PBX1: variants seen among roughly 807,000 people sequenced by gnomAD.
PBX1 encodes PBX homeobox 1.
Under a neutral mutation model 53.4 loss-of-function variants are expected in PBX1, and 6 were observed. The ratio of observed to expected loss-of-function variants is 0.11; its 90% CI spans 0.06 to 0.22. PBX1 has a LOEUF of 0.22. PBX1 is among the 10% of genes least tolerant of loss of function. The pLI is 1.00. For synonymous variants in PBX1, 204 were observed against 212.3 expected (o/e 0.96, Z 0.34); for missense variants, 251 against 551.4 (o/e 0.46, Z 5.46).
chr1:164,883,036 A>G (rs1410733368), intron 2 of PBX1, among the ~76,000 whole-genome samples: 2 of 152,216 alleles, frequency 1.3e-5, no homozygotes, highest in Admixed American at 1.3e-4. Context: ...TGAATTAGGC[A>G]TATTACTGAA....
downstream of PBX1, among the ~76,000 whole-genome samples, chr1:164,853,380 TAAGG>T (rs1266935462): frequency 6.6e-6 from 1 of 152,114 alleles, no homozygotes; most frequent in East Asian, 1.9e-4. Flanking sequence ...AGTGATGGGA[TAAGG>T]AAGAGCAAAA....
intron 2 of PBX1, among the ~76,000 whole-genome samples, chr1:164,673,840 T>C (rs1396870423): frequency 2.0e-5 from 3 of 152,132 alleles, no homozygotes; most frequent in South Asian, 2.1e-4. Context: ...AGCGACAGAC[T>C]TGTGGTTTGC....
chr1:164,863,306 G>A (rs1672140637), intron 2 of PBX1, among the ~76,000 whole-genome samples: 1 of 152,198 alleles, frequency 6.6e-6, no homozygotes, highest in African/African-American at 2.4e-5. Context: ...CACAGGACGT[G>A]CTGAGGTGGG....
At chr1:164,633,759 T>G (rs1658564337) in intron 2 of PBX1, among the ~76,000 whole-genome samples, 2 of 152,222 alleles carry the variant, frequency 1.3e-5, no homozygotes, top group Non-Finnish European at 2.9e-5. Flanking sequence ...AACCTCTCTT[T>G]GCTTCAGTTT....
intron 2 of PBX1, chr1:164,769,272 G>A (rs1467108719): frequency 1.3e-5 from 2 of 152,124 alleles, no homozygotes; most frequent in Admixed American, 1.3e-4. Context: ...TCTGTACTTG[G>A]GGTACATTTT....
At chr1:164,570,270 A>G (rs1356277775) in intron 2 of PBX1, among the ~76,000 whole-genome samples, 1 of 152,182 alleles carries the variant, frequency 6.6e-6, no homozygotes, top group African/African-American at 2.4e-5. Flanking sequence ...CAGGTTTGTT[A>G]CATAGGTATA....
chr1:164,583,430 A>G (rs1033906940), intron 2 of PBX1, among the ~76,000 whole-genome samples: 10 of 152,272 alleles, frequency 6.6e-5, no homozygotes, highest in African/African-American at 2.4e-4. Context: ...TCTGAATCTC[A>G]GGTCACAGGG....
Position 164,807,608 on chromosome 1 carries a change from C to T in PBX1, c.768C>T (p.Leu256=), listed in dbSNP as rs1380228771. 2 of 1,614,028 alleles carry T rather than the reference C, an allele frequency of 1.2e-6. No individual in the cohort carries two copies. Among genetic ancestry groups the T allele is most frequent in the Non-Finnish European group, 8.5e-7 (1 of 1,179,992 alleles). ...TGAATGAATATTTCTATTCCCATCT[C>T]AGCAACCCTTACCCCAGTGAGGAAG... ...EILNEYFYSH[L]SNPYPSEEAK... Residue 256 remains leucine, a synonymous_variant, in exon 5 of 9, where the codon CTC becomes CTT. Coordinates refer to ENST00000420696, the MANE Select transcript of PBX1 (RefSeq NM_002585.4).
chr1:164,736,368 C>A (rs546454239), intron 2 of PBX1, among the ~76,000 whole-genome samples: 1 of 152,248 alleles, frequency 6.6e-6, no homozygotes, highest in East Asian at 1.9e-4. Flanking sequence ...TCCACCAAAG[C>A]CAGCTAATGC....
intron 2 of PBX1, among the ~76,000 whole-genome samples, chr1:164,624,972 T>C (rs1657941790): frequency 6.6e-6 from 1 of 152,214 alleles, no homozygotes; most frequent in Admixed American, 6.5e-5. Flanking sequence ...TATCTATCCT[T>C]CCAATGACTT....
chr1:164,771,543 T>G (rs1431445862), intron 2 of PBX1: 1 of 151,986 alleles, frequency 6.6e-6, no homozygotes, highest in Admixed American at 6.5e-5. Flanking sequence ...TTCTGCTTTT[T>G]CTCTTAAACA....
intron 2 of PBX1, among the ~76,000 whole-genome samples, chr1:164,589,593 C>A (rs1320083931): frequency 1.3e-5 from 2 of 152,128 alleles, no homozygotes; most frequent in Non-Finnish European, 2.9e-5. Flanking sequence ...GACCGTTTAC[C>A]TCCAAAAGGT....
Position 164,847,768 on chromosome 1 carries a change from GAC to G in PBX1, c.*1096_*1097del, listed in dbSNP as rs1466584111. On this transcript the variant is annotated 3_prime_UTR_variant, in exon 9 of 9. Transcript: ENST00000420696. Reference sequence around the variant, plus strand: ...TTAGTGACTCTAAGTGAAGGTCACTGACACAGAGAAGCAGTATGTGTCTGGGG... The same window carrying G: ...TTAGTGACTCTAAGTGAAGGTCACTGACAGAGAAGCAGTATGTGTCTGGGG... 2 of 1,052,876 alleles carry G rather than the reference GAC, an allele frequency of 1.9e-6. No homozygotes were observed. Among genetic ancestry groups the G allele is most frequent in the East Asian group, 1.1e-4 (2 of 18,640 alleles). The allele number at this position is 1,052,876 out of a possible 1,614,324, so 65.2% of individuals were successfully genotyped here. A position where few individuals can be genotyped will look rare whatever the true frequency, so the allele number is the denominator to read the frequency against.
At chr1:164,864,171 G>A (rs1672163076) in intron 2 of PBX1, among the ~76,000 whole-genome samples, 1 of 152,108 alleles carries the variant, frequency 6.6e-6, no homozygotes, top group Non-Finnish European at 1.5e-5. Flanking sequence ...GAGGGAAGAT[G>A]TGGGTCACTG....
intron 8 of PBX1, among the ~76,000 whole-genome samples, chr1:164,825,874 A>G (rs1047437824): frequency 6.6e-6 from 1 of 152,082 alleles, no homozygotes; most frequent in African/African-American, 2.4e-5. Context: ...ATGTAGCAAC[A>G]TAGTATTGTT....
In PBX1 at chr1:164,848,411, G is replaced by GA; in HGVS notation, c.*1737dup. On this transcript the variant is annotated 3_prime_UTR_variant, in exon 9 of 9. Transcript: ENST00000420696. ...TACTAAGAGTCTTGTGAGAGACTGA[G>GA]AAGTTGATTTTGTTCATATCCAATC... is the stretch of plus-strand genomic sequence containing the variant. The GA allele has an allele frequency of 9.5e-7, 1 of 1,055,598 alleles. No homozygotes were observed. The highest frequency in any genetic ancestry group is 1.1e-6 in the Non-Finnish European group (1 of 873,168). 65.4% of individuals were successfully genotyped at this position (1,055,598 alleles called of 1,614,324 possible). A position where few individuals can be genotyped will look rare whatever the true frequency, so the allele number is the denominator to read the frequency against.
chr1:164,591,595 T>G (rs1295140510), intron 2 of PBX1, among the ~76,000 whole-genome samples: 1 of 152,214 alleles, frequency 6.6e-6, no homozygotes, highest in Non-Finnish European at 1.5e-5. Flanking sequence ...TCCTTGCCAA[T>G]TAATTAAAAG....
chr1:164,794,584 A>G (rs184407185), intron 3 of PBX1, among the ~76,000 whole-genome samples: 1 of 152,342 alleles, frequency 6.6e-6, no homozygotes, highest in Admixed American at 6.5e-5. Context: ...ACATTTCCCC[A>G]GATCCCAGGC....
intron 8 of PBX1, among the ~76,000 whole-genome samples, chr1:164,845,233 C>T (rs1011770940): frequency 2.0e-5 from 3 of 152,062 alleles, no homozygotes; most frequent in South Asian, 2.1e-4. Context: ...AAATGGAGCC[C>T]GAATTCAAAG....
Sources: gnomAD v4.1 joint callset for allele counts (sites outside exome capture counted in the v4.1 genomes callset) on GRCh38, gnomAD v4.1.1 for gene constraint, MANE v1.5 for transcripts, NCBI Gene and HGNC (gene_info 2026-07-23, HGNC 2026-07-21) for gene names.